SERINC2: variants seen among roughly 807,000 people sequenced by gnomAD.
SERINC2 encodes serine incorporator 2, also known as tumor differentially expressed protein 2.
SERINC2 carries 56 observed loss-of-function variants against 54.2 expected under a neutral mutation model. That is an observed-to-expected ratio of 1.03 (90% CI 0.83 to 1.29). The LOEUF (loss-of-function observed/expected upper bound fraction) is 1.29. Among genes scored for constraint, SERINC2 ranks in the 50% most tolerant of loss-of-function variants. The probability of loss-of-function intolerance (pLI) is 0.00; values close to 1 mark genes in which losing one functional copy is unlikely to be tolerated. For missense variants in SERINC2, 614 were observed against 607.4 expected, an observed-to-expected ratio of 1.01 and a Z score of -0.12; for synonymous variants, 272 against 253.1, an observed-to-expected ratio of 1.07 and a Z score of -0.71.
chr1:31,410,205 T>C (rs1168390442), upstream of SERINC2: 2 of 1,441,672 alleles, frequency 1.4e-6, no homozygotes, highest in African/African-American at 2.9e-5. Flanking sequence ...GTGACTGTGC[T>C]TTTGGGGGTG....
intron 4 of SERINC2, 103 bp from the exon 5 acceptor site, chr1:31,425,673 T>G: frequency 7.2e-7 from 1 of 1,392,246 alleles, no homozygotes; most frequent in Non-Finnish European, 9.9e-7. Context: ...AGGGACTCTG[T>G]TCTTCTCAGT....
chr1:31,414,132 G>T (rs746131670), intron 1 of SERINC2: 15 of 1,427,062 alleles, frequency 1.1e-5, no homozygotes, highest in Non-Finnish European at 1.3e-5. Flanking sequence ...GGAGGTTCGG[G>T]TGTGCGCGGG....
intron 1 of SERINC2, chr1:31,415,855 G>T (rs1238474574): frequency 4.1e-6 from 4 of 985,180 alleles, no homozygotes; most frequent in Non-Finnish European, 4.8e-6. Flanking sequence ...TGACTCATCT[G>T]CTGATTGTGC....
rs991834182 is a variant in SERINC2 at position 31,432,293 on chromosome 1, C to T, written c.1014-674C>T. Among the ~76,000 whole-genome samples the T allele has an allele frequency of 2.0e-5, 3 of 151,036 alleles. No homozygotes were observed. The South Asian group carries it at 6.3e-4, about 32-fold the overall frequency. ...TTGCTGGGGTGGCGGGGCTGGAATC[C>T]AGCTCTCCTTTTCACTTTTGTTTGG... is the stretch of plus-strand genomic sequence containing the variant. On this transcript the variant is annotated intron_variant, in intron 8 of 9. Transcript: ENST00000373709.
At chr1:31,410,158 G>T, upstream of SERINC2, 4 of 1,431,298 alleles carry the variant, frequency 2.8e-6, no homozygotes, top group Non-Finnish European at 3.6e-6. Context: ...GGCTCAGAGT[G>T]GTTGGGTGAC....
chr1:31,422,874 C>G (rs1553132901), intron 1 of SERINC2, among the ~76,000 whole-genome samples: 1 of 152,212 alleles, frequency 6.6e-6, no homozygotes, highest in Admixed American at 6.5e-5. Flanking sequence ...CTGACCGCAA[C>G]TGGGGCAGAG....
At chr1:31,431,683 A>G (rs563131172) in intron 8 of SERINC2, among the ~76,000 whole-genome samples, 64 of 151,928 alleles carry the variant, frequency 4.2e-4, no homozygotes, top group Non-Finnish European at 7.9e-4. Context: ...AGCATATGCA[A>G]CCCATGAGGG....
chr1:31,413,094 C>T (rs1640682754), upstream of SERINC2: 5 of 991,950 alleles, frequency 5.0e-6, no homozygotes, highest in Non-Finnish European at 6.0e-6. This position sits in a 1 kb window ranked among gnomAD's most constrained non-coding sequence, Gnocchi z 5.0. Flanking sequence ...CGCACCTGCC[C>T]CAGGTGAGTC....
intron 6 of SERINC2, among the ~76,000 whole-genome samples, chr1:31,427,741 C>T (rs186339177): frequency 4.1e-3 from 626 of 152,140 alleles, no homozygotes; most frequent in Non-Finnish European, 7.2e-3. Context: ...AGAGGCCTAG[C>T]CAAGGTCACA....
Position 31,414,454 on chromosome 1 carries a change from T to TGA in SERINC2, c.39+1170_39+1171dup, listed in dbSNP as rs149012313. 7.2e-4 allele frequency: 524 copies of TGA among 732,014 alleles called. 4 individuals carry two copies. Among genetic ancestry groups the TGA allele is most frequent in the African/African-American group, 6.1e-3 (230 of 37,526 alleles). 45.3% of individuals were successfully genotyped at this position (732,014 alleles called of 1,614,324 possible). A position where few individuals can be genotyped will look rare whatever the true frequency, so the allele number is the denominator to read the frequency against. ...GTGTGTGTGTGTGTGTGTGTGTGTGTGAGAGAGAGAGAGAGAGAGAGGAGG... is the reference window on the plus strand; with the variant it reads ...GTGTGTGTGTGTGTGTGTGTGTGTGTGAGAGAGAGAGAGAGAGAGAGAGGAGG... On this transcript the variant is annotated intron_variant, in intron 1 of 9. Coordinates refer to ENST00000373709, the MANE Select transcript of SERINC2 (RefSeq NM_178865.5).
intron 1 of SERINC2, among the ~76,000 whole-genome samples, chr1:31,415,252 G>A (rs1319949408): frequency 6.6e-6 from 1 of 152,214 alleles, no homozygotes; most frequent in East Asian, 1.9e-4. Flanking sequence ...GCACAGGGCT[G>A]GTCCAGGGAA....
intron 5 of SERINC2, 138 bp downstream of exon 5, chr1:31,426,051 A>G (rs1570049014): frequency 1.2e-5 from 11 of 918,790 alleles, no homozygotes; most frequent in South Asian, 6.7e-5. Flanking sequence ...CAAGATTCCA[A>G]TTGTCCCAGG....
At chr1:31,431,767 G>A (rs1362475085) in intron 8 of SERINC2, among the ~76,000 whole-genome samples, 2 of 150,284 alleles carry the variant, frequency 1.3e-5, no homozygotes, top group South Asian at 2.1e-4. Flanking sequence ...GGAGAGGGTG[G>A]AGAGGGTGAA....
At chr1:31,425,752 C>A in intron 4 of SERINC2, 24 bp from the exon 5 acceptor site, 1 of 1,609,646 alleles carries the variant, frequency 6.2e-7, no homozygotes, top group Non-Finnish European at 8.5e-7. Context: ...ACCCTCCTCG[C>A]CTCACTCCCC....
intron 8 of SERINC2, among the ~76,000 whole-genome samples, chr1:31,430,275 A>G (rs576828231): frequency 6.6e-6 from 1 of 152,330 alleles, no homozygotes; most frequent in South Asian, 2.1e-4. Flanking sequence ...GCACTTTGGG[A>G]GGCCGAGGTG....
rs782291585 is a variant in SERINC2, at chr1:31,434,124, C to T, written c.1293C>T (p.Ala431=). The T allele has an allele frequency of 6.2e-7, 1 of 1,614,008 alleles. No homozygotes were observed. The highest frequency in any genetic ancestry group is 2.2e-5 in the East Asian group (1 of 44,874). The change falls in exon 10 of 10, where the codon GCC becomes GCT. Residue 431 remains alanine, a synonymous_variant. Coordinates refer to ENST00000373709, the MANE Select transcript of SERINC2 (RefSeq NM_178865.5). ...CCGCCGTGTGGGTGAAGATCTGTGC[C>T]AGCTGGGCAGGGCTGCTCCTCTACC... ...TWTAVWVKIC[A]SWAGLLLYLW...
intron 1 of SERINC2, among the ~76,000 whole-genome samples, chr1:31,417,814 G>A (rs1640814756): frequency 6.7e-6 from 1 of 149,628 alleles, no homozygotes; most frequent in Non-Finnish European, 1.5e-5. Context: ...AATGCCCTGA[G>A]GGTTCATCCA....
Position 31,423,788 on chromosome 1 carries a change from C to A in SERINC2, c.135C>A (p.Phe45Leu), listed in dbSNP as rs1640959625. ...TGAGCCGCCTCATCTTCACGTTCTT[C>A]CTCTTCCTGGGGGTGCTGGTGTCCA... ...STVSRLIFTF[F>L]LFLGVLVSII... The change falls in exon 2 of 10, where the codon TTC (phenylalanine) becomes TTA (leucine). Residue 45 changes from phenylalanine to leucine, a missense_variant. Physicochemically the swap from Phe to Leu is conservative, Grantham distance 22. Transcript: ENST00000373709. 1.2e-6 allele frequency: 2 copies of A among 1,613,968 alleles called. No homozygotes were observed.
intron 1 of SERINC2, among the ~76,000 whole-genome samples, chr1:31,416,851 CTGGGATTA>C (rs1640793148): frequency 1.3e-5 from 2 of 152,174 alleles, no homozygotes; most frequent in South Asian, 2.1e-4. Context: ...TCCCGAGTAG[CTGGGATTA>C]CAGGCGTGCG....
Sources: allele counts gnomAD v4.1 joint callset (sites outside exome capture counted in the v4.1 genomes callset), GRCh38; gene constraint gnomAD v4.1.1; non-coding constraint Gnocchi (gnomAD v3.1); transcripts MANE v1.5; gene names NCBI Gene and HGNC (gene_info 2026-07-23, HGNC 2026-07-21).